Variants in ARSK observed in about 807,000 individuals in gnomAD.
ARSK encodes the protein arylsulfatase family member K.
ARSK carries 37 observed loss-of-function variants against 53.2 expected under a neutral mutation model. The ratio of observed to expected loss-of-function variants is 0.70; its 90% confidence interval spans 0.54 to 0.92. The LOEUF (loss-of-function observed/expected upper bound fraction) is 0.92, where lower values mean the gene tolerates loss of function less well. Among genes scored for constraint, ARSK ranks in the 40% least tolerant of loss-of-function variants. The pLI, the probability that ARSK is intolerant of heterozygous loss-of-function variation, is 0.00. For missense variants in ARSK, 613 were observed against 643.0 expected, an observed-to-expected ratio of 0.95 and a Z score of 0.51; for synonymous variants, 208 against 223.2, an observed-to-expected ratio of 0.93 and a Z score of 0.61.
At chr5:95,600,743 T>C in intron 6 of ARSK, 104 bp from the exon 7 acceptor site, 1 of 1,130,132 alleles carries the variant, frequency 8.8e-7, no homozygotes, top group Non-Finnish European at 1.3e-6. Flanking sequence ...CCAGTCTCCA[T>C]GGCATTTAAT....
chr5:95,573,651 A>G (rs777381777), intron 3 of ARSK, among the ~76,000 whole-genome samples: 1 of 152,258 alleles, frequency 6.6e-6, no homozygotes, highest in East Asian at 1.9e-4. Context: ...CTATCATTTC[A>G]TCTTACCATT....
At chr5:95,580,614 G>A (rs1324848381) in intron 3 of ARSK, among the ~76,000 whole-genome samples, 1 of 152,158 alleles carries the variant, frequency 6.6e-6, no homozygotes, top group East Asian at 1.9e-4. Flanking sequence ...GGACTTTCTG[G>A]ACTAAGAATT....
intron 4 of ARSK, among the ~76,000 whole-genome samples, chr5:95,584,459 T>A (rs1414025118): frequency 6.6e-6 from 1 of 152,234 alleles, no homozygotes; most frequent in African/African-American, 2.4e-5. Context: ...ATAACTGAAA[T>A]TCATGCATAT....
At chr5:95,576,628 T>C (rs1173965690) in intron 3 of ARSK, among the ~76,000 whole-genome samples, 2 of 151,552 alleles carry the variant, frequency 1.3e-5, no homozygotes, top group Non-Finnish European at 2.9e-5. Context: ...CTCATGCCTG[T>C]AACCCCAGCA....
At chr5:95,582,098 T>G (rs1749029704) in intron 3 of ARSK, among the ~76,000 whole-genome samples, 1 of 152,104 alleles carries the variant, frequency 6.6e-6, no homozygotes, top group Non-Finnish European at 1.5e-5. Context: ...GGTATCTGGA[T>G]TTTTAAAACA....
chr5:95,582,777 G>C (rs922888019), intron 3 of ARSK, 139 bp from the exon 4 acceptor site: 1 of 769,810 alleles, frequency 1.3e-6, no homozygotes, highest in East Asian at 2.8e-5. Context: ...TTCTTTTTGA[G>C]ATCTAATATA....
At position 95,586,710 on chromosome 5, in the gene ARSK, G is replaced by T. The variant is rs200281345; in HGVS notation, c.848G>T (p.Cys283Phe). ...ATTAGAGCATTTTATTATGCTATGT[G>T]TGCTGAGACAGATGCCATGCTTGGT... is the stretch of plus-strand genomic sequence containing the variant. The part of the protein sequence containing the change: ...KNIRAFYYAM[C>F]AETDAMLGEI... Residue 283 changes from cysteine (C) to phenylalanine (F), a missense_variant, in exon 5 of 8, where the codon TGT becomes TTT. Coordinates refer to ENST00000380009, the MANE Select transcript of ARSK (RefSeq NM_198150.3). 7 of 1,600,518 alleles carry T rather than the reference G, an allele frequency of 4.4e-6. No homozygotes were observed. In the African/African-American group the frequency reaches 8.1e-5, roughly 18 times the overall value.
In ARSK at chr5:95,603,305, G is replaced by T. The variant is rs1749438538; in HGVS notation, c.1390G>T (p.Asp464Tyr). Reference protein sequence around the residue: ...VKFPEITYSLDQKLHSIINYP... With the variant: ...VKFPEITYSLYQKLHSIINYP... ...ATTTCCAGAAATTACTTATTCTTTG[G>T]ATCAGAAGCTTCATTCCATTATAAA... is the stretch of plus-strand genomic sequence containing the variant. Residue 464 changes from aspartate (D) to tyrosine (Y), a missense_variant, in exon 8 of 8, where the codon GAT becomes TAT. By Grantham distance (160) the Asp-to-Tyr change is radical. Coordinates refer to ENST00000380009, the MANE Select transcript of ARSK (RefSeq NM_198150.3). 2 of 1,605,434 alleles carry T rather than the reference G, an allele frequency of 1.2e-6. No individual in the cohort carries two copies. The highest frequency in any genetic ancestry group is 3.4e-5 in the Admixed American group (2 of 59,212).
chr5:95,578,069 T>G (rs1748955698), intron 3 of ARSK, among the ~76,000 whole-genome samples: 2 of 152,210 alleles, frequency 1.3e-5, no homozygotes, highest in Non-Finnish European at 2.9e-5. Flanking sequence ...AGACTGTTTT[T>G]GGGAGTGATC....
chr5:95,594,463 A>C (rs1187910645), intron 6 of ARSK, among the ~76,000 whole-genome samples: 1 of 152,254 alleles, frequency 6.6e-6, no homozygotes, highest in Non-Finnish European at 1.5e-5. Flanking sequence ...GTCAGTGGTC[A>C]TAAAAATATT....
In ARSK at chr5:95,583,208, T is replaced by C; in HGVS notation, c.699+10T>C. ...TTATTGGCTTGAAAAAGTAAGTAACTACATTGTGTGTGCTCAAAAGTAGAT... is the reference window on the plus strand; with the variant it reads ...TTATTGGCTTGAAAAAGTAAGTAACCACATTGTGTGTGCTCAAAAGTAGAT... On this transcript the variant is annotated intron_variant, in intron 4 of 7. Coordinates refer to ENST00000380009, the MANE Select transcript of ARSK (RefSeq NM_198150.3). 1 of 1,529,958 alleles carries C rather than the reference T, an allele frequency of 6.5e-7. No homozygotes were observed. Among genetic ancestry groups the C allele is most frequent in the East Asian group, 2.3e-5 (1 of 44,028 alleles). 94.8% of individuals were successfully genotyped at this position (1,529,958 alleles called of 1,614,324 possible). A position where few individuals can be genotyped will look rare whatever the true frequency, so the allele number is the denominator to read the frequency against.
chr5:95,599,992 A>G (rs1749376347), intron 6 of ARSK, among the ~76,000 whole-genome samples: 1 of 152,158 alleles, frequency 6.6e-6, no homozygotes, highest in African/African-American at 2.4e-5. Context: ...TTTTGGAACA[A>G]CCCTAATTAC....
Position 95,594,772 on chromosome 5 carries a change from G to A in ARSK, c.1096+3147G>A, listed in dbSNP as rs186115751. 7.6e-3 allele frequency among the ~76,000 whole-genome samples: 1,152 copies of A among 152,030 alleles called. 31 individuals carry two copies. The highest frequency in any genetic ancestry group is 0.052 in the Admixed American group (791 of 15,276). The stretch of plus-strand genomic sequence containing the variant: ...GGAGAATGGCGTGAATCTGGGAGGC[G>A]GAGCTTGCAATGAGCCAAGATCGTG... On this transcript the variant is annotated intron_variant, in intron 6 of 7. Coordinates refer to ENST00000380009, the MANE Select transcript of ARSK (RefSeq NM_198150.3).
At chr5:95,592,315 A>G (rs944967903) in intron 6 of ARSK, among the ~76,000 whole-genome samples, 2 of 152,216 alleles carry the variant, frequency 1.3e-5, no homozygotes, top group African/African-American at 4.8e-5. Flanking sequence ...GGTGAAAGAA[A>G]AAAAAATAGC....
At chr5:95,585,679 G>A (rs942157138) in intron 4 of ARSK, among the ~76,000 whole-genome samples, 5 of 152,136 alleles carry the variant, frequency 3.3e-5, no homozygotes, top group Admixed American at 1.3e-4. Flanking sequence ...GTGGATAGGC[G>A]TGAGGGATAA....
chr5:95,594,594 C>CT (rs1749271517), intron 6 of ARSK, among the ~76,000 whole-genome samples: 1 of 152,180 alleles, frequency 6.6e-6, no homozygotes, highest in South Asian at 2.1e-4. Flanking sequence ...GTAATCCCAA[C>CT]ACTTTGGGAG....
At position 95,591,531 on chromosome 5, in the gene ARSK, A is replaced by G. The variant is rs768768829; in HGVS notation, c.1002A>G (p.Ala334=). ...FYKMSMYEAS[A]HVPLLMMGPG... ...AAATGAGCATGTACGAGGCTAGTGC[A>G]CATGTTCCGCTTTTGATGATGGGAC... Residue 334 remains alanine (A), a synonymous_variant, in exon 6 of 8, where the codon GCA becomes GCG. Transcript: ENST00000380009. 2.5e-6 allele frequency: 4 copies of G among 1,614,062 alleles called. No homozygotes were observed. In the South Asian group the frequency reaches 3.3e-5, roughly 13 times the overall value.
chr5:95,584,808 C>T (rs1054348428), intron 4 of ARSK, among the ~76,000 whole-genome samples: 15 of 151,984 alleles, frequency 9.9e-5, no homozygotes, highest in East Asian at 1.9e-4. Context: ...GTCAGGAGTT[C>T]GAGACCAGCC....
intron 3 of ARSK, among the ~76,000 whole-genome samples, chr5:95,574,659 C>T (rs921566420): frequency 7.2e-5 from 11 of 152,076 alleles, no homozygotes; most frequent in African/African-American, 2.7e-4. Flanking sequence ...AATGTCTGTT[C>T]AGATCTTTTG....
Sources: gnomAD v4.1 joint callset for allele counts (sites outside exome capture counted in the v4.1 genomes callset) on GRCh38, gnomAD v4.1.1 for gene constraint, MANE v1.5 for transcripts, NCBI Gene and HGNC (gene_info 2026-07-23, HGNC 2026-07-21) for gene names.